The following MROH7 variants were observed in gnomAD, a reference collection of about 807,000 sequenced individuals.
The protein encoded by MROH7 is maestro heat-like repeat-containing protein family member 7.
A neutral mutation model predicts 129.2 loss-of-function variants in MROH7; 113 were observed. The observed-to-expected ratio is 0.87, with a 90% CI of 0.75 to 1.02. The LOEUF (loss-of-function observed/expected upper bound fraction) is 1.02, where lower values mean the gene tolerates loss of function less well. Among genes scored for constraint, MROH7 ranks in the 50% least tolerant of loss-of-function variants. MROH7 has a pLI of 0.00. For missense variants in MROH7, 1,601 were observed against 1,671.3 expected (o/e 0.96, Z 0.73); for synonymous variants, 655 against 667.9 (o/e 0.98, Z 0.30).
At chr1:54,691,298 A>G (rs1204564429) in intron 15 of MROH7, among the ~76,000 whole-genome samples, 2 of 152,216 alleles carry the variant, frequency 1.3e-5, no homozygotes, top group African/African-American at 4.8e-5. Flanking sequence ...GGATCATTAC[A>G]AAAGCAAAAA....
At chr1:54,645,443 C>A (rs1421653860) in intron 1 of MROH7, among the ~76,000 whole-genome samples, 1 of 151,346 alleles carries the variant, frequency 6.6e-6, no homozygotes, top group African/African-American at 2.4e-5. Context: ...CCATGTCCAG[C>A]CAATTTTTTG....
intron 3 of MROH7, among the ~76,000 whole-genome samples, chr1:54,661,746 C>T (rs1218571638): frequency 1.3e-5 from 2 of 152,010 alleles, no homozygotes; most frequent in Non-Finnish European, 2.9e-5. Flanking sequence ...CAGGCGCCCG[C>T]CACCATGCCC....
chr1:54,670,010 A>C (rs114591782), intron 5 of MROH7, among the ~76,000 whole-genome samples: 44,691 of 150,246 alleles, frequency 0.3, 6,899 homozygotes, highest in South Asian at 0.5. Flanking sequence ...TGTCAAAAAA[A>C]AAAAAAAAAA....
In MROH7 at chr1:54,646,959, C is replaced by T. The variant is rs181647039; in HGVS notation, c.-109-4990C>T. Among the ~76,000 whole-genome samples the T allele has an allele frequency of 2.6e-4, 39 of 152,320 alleles. No homozygotes were observed. The East Asian group carries it at 3.3e-3, about 13-fold the overall frequency. ...ATGTCTTCAAAGTTTATCCATGTTTCACATGCATGAGTACTTCATTCCTTT... is the reference window on the plus strand; with the variant it reads ...ATGTCTTCAAAGTTTATCCATGTTTTACATGCATGAGTACTTCATTCCTTT... On this transcript the variant is annotated intron_variant, in intron 1 of 23. Transcript: ENST00000421030.
At chr1:54,709,592 C>G (rs1223096400) in intron 23 of MROH7, among the ~76,000 whole-genome samples, 5 of 152,084 alleles carry the variant, frequency 3.3e-5, no homozygotes, top group Non-Finnish European at 7.4e-5. Context: ...GAACACACAG[C>G]CCCACCCAAG....
At chr1:54,647,263 T>G (rs952660048) in intron 1 of MROH7, among the ~76,000 whole-genome samples, 8 of 152,240 alleles carry the variant, frequency 5.3e-5, no homozygotes, top group Admixed American at 5.2e-4. Flanking sequence ...TTTTATAGTT[T>G]TTGCTCTTAC....
chr1:54,663,372 G>A (rs936813336), intron 3 of MROH7, among the ~76,000 whole-genome samples: 28 of 151,980 alleles, frequency 1.8e-4, no homozygotes, highest in Admixed American at 2.0e-4. Flanking sequence ...AGAGCCCCGA[G>A]CTCTTGTTTC....
In MROH7 at chr1:54,695,754, C is replaced by T. The variant is rs536604658; in HGVS notation, c.2964+264C>T. On this transcript the variant is annotated intron_variant, in intron 17 of 23. Transcript: ENST00000421030. Reference sequence around the variant, plus strand: ...GCTGGGCACCTCTGTGTGTCAGGCACGAGACATATAAATGTGAATTTGACT... The same window carrying T: ...GCTGGGCACCTCTGTGTGTCAGGCATGAGACATATAAATGTGAATTTGACT... 2.7e-4 allele frequency: 132 copies of T among 495,852 alleles called. 1 individual carries two copies. Among genetic ancestry groups the T allele is most frequent in the African/African-American group, 1.7e-3 (90 of 51,594 alleles). The allele number at this position is 495,852 out of a possible 1,614,324, so 30.7% of individuals were successfully genotyped here.
intron 3 of MROH7, among the ~76,000 whole-genome samples, chr1:54,655,579 T>G (rs1236485658): frequency 6.6e-6 from 1 of 151,296 alleles, no homozygotes; most frequent in Non-Finnish European, 1.5e-5. Context: ...GGGGCCTTGC[T>G]ACGTTGCCCA....
At chr1:54,656,850 C>CT (rs1557694415) in intron 3 of MROH7, among the ~76,000 whole-genome samples, 1 of 151,886 alleles carries the variant, frequency 6.6e-6, no homozygotes, top group Admixed American at 6.6e-5. Context: ...AAAAAAGTTT[C>CT]TTTTTTTCCA....
intron 22 of MROH7, 97 bp from the exon 23 acceptor site, chr1:54,708,917 T>C (rs555519845): frequency 8.3e-5 from 82 of 986,294 alleles, no homozygotes; most frequent in Non-Finnish European, 1.2e-4. Context: ...TGGAGGATAA[T>C]GGGAAAAGCA....
chr1:54,704,869 C>T (rs570112097), intron 21 of MROH7, among the ~76,000 whole-genome samples: 148 of 130,906 alleles, frequency 1.1e-3, no homozygotes, highest in African/African-American at 3.8e-3. Flanking sequence ...GTGTGATCTC[C>T]GCTCATCGCA....
At chr1:54,698,718 G>C (rs1463297954) in intron 17 of MROH7, 5 of 152,240 alleles carry the variant, frequency 3.3e-5, no homozygotes, top group African/African-American at 1.2e-4. Flanking sequence ...TTGGACGATG[G>C]GGGGCTGGTA....
At chr1:54,705,762 G>A (rs1645522425) in intron 21 of MROH7, among the ~76,000 whole-genome samples, 1 of 152,190 alleles carries the variant, frequency 6.6e-6, no homozygotes, top group Admixed American at 6.5e-5. Context: ...CCCAGAACAT[G>A]ATCATGAAGC....
chr1:54,704,752 C>G (rs756343161), intron 21 of MROH7, among the ~76,000 whole-genome samples: 1 of 145,514 alleles, frequency 6.9e-6, no homozygotes, highest in Admixed American at 6.9e-5. Context: ...GGTCAGAAAC[C>G]CTACATTTTT....
rs192479874 is a variant in MROH7, at chr1:54,653,159, A to C, written c.233A>C (p.Glu78Ala). 39 of 1,614,142 alleles carry C rather than the reference A, an allele frequency of 2.4e-5. No homozygotes were observed. In the South Asian group the frequency reaches 3.6e-4, roughly 15 times the overall value. ...VSGEASGLVS[E>A]NTPRPDDSRA... is the part of the protein sequence containing the mutation. ...GGGGAGGCCTCAGGCCTGGTGTCTG[A>C]AAACACCCCCAGACCTGATGACAGC... The change falls in exon 3 of 24, where the codon GAA becomes GCA. Residue 78 changes from glutamate (E) to alanine (A), a missense_variant. Glu to Ala is a moderately radical substitution (Grantham distance 107, BLOSUM62 -1). Transcript: ENST00000421030.
chr1:54,673,899 C>T (rs905229497), intron 9 of MROH7, 94 bp downstream of exon 9: 10 of 1,522,408 alleles, frequency 6.6e-6, no homozygotes, highest in Non-Finnish European at 8.2e-6. Context: ...CCAGGTGGCT[C>T]TTGCCATCTT....
intron 1 of MROH7, among the ~76,000 whole-genome samples, chr1:54,646,806 C>A (rs1644473971): frequency 6.6e-6 from 1 of 152,188 alleles, no homozygotes; most frequent in African/African-American, 2.4e-5. Context: ...CTTTCCCCTT[C>A]CCCTGGCAAC....
At chr1:54,700,749 C>A (rs1452856262) in intron 18 of MROH7, among the ~76,000 whole-genome samples, 4 of 152,190 alleles carry the variant, frequency 2.6e-5, no homozygotes, top group Admixed American at 1.3e-4. Flanking sequence ...GGAAACAGAG[C>A]CCAGATTGTT....
Sources: allele counts gnomAD v4.1 joint callset (sites outside exome capture counted in the v4.1 genomes callset), GRCh38; gene constraint gnomAD v4.1.1; transcripts MANE v1.5; gene names NCBI Gene and HGNC (gene_info 2026-07-23, HGNC 2026-07-21).